Variants in PTPRT observed in about 807,000 individuals in gnomAD.
PTPRT encodes protein tyrosine phosphatase receptor type T.
PTPRT carries 56 observed loss-of-function variants against 176.8 expected under a neutral mutation model. The ratio of observed to expected loss-of-function variants is 0.32; its 90% CI spans 0.26 to 0.40. PTPRT has a LOEUF of 0.40. Among genes scored for constraint, PTPRT ranks in the 10% least tolerant of loss-of-function variants. PTPRT has a pLI of 1.00. For missense variants in PTPRT, 1,540 were observed against 1,908.2 expected, an observed-to-expected ratio of 0.81 and a Z score of 3.60; for synonymous variants, 783 against 739.0, an observed-to-expected ratio of 1.06 and a Z score of -0.96.
intron 7 of PTPRT, among the ~76,000 whole-genome samples, chr20:42,644,762 G>A (rs913669896): frequency 6.6e-6 from 1 of 152,124 alleles, no homozygotes; most frequent in Admixed American, 6.5e-5. Flanking sequence ...ACACATTAAG[G>A]TAAAGACCTG....
chr20:42,415,313 G>A (rs2059055133), intron 9 of PTPRT, among the ~76,000 whole-genome samples: 2 of 152,122 alleles, frequency 1.3e-5, no homozygotes, highest in Admixed American at 1.3e-4. Flanking sequence ...TTCCAAATCA[G>A]CTAAGACTAC....
intron 1 of PTPRT, among the ~76,000 whole-genome samples, chr20:43,097,935 AAGTGCAGCAC>A (rs2012234319): frequency 6.6e-6 from 1 of 152,166 alleles, no homozygotes; most frequent in South Asian, 2.1e-4. Context: ...TGCAAGATGC[AAGTGCAGCAC>A]AGTGCGCGGG....
chr20:42,959,411 C>T (rs1195680886), intron 1 of PTPRT, among the ~76,000 whole-genome samples: 1 of 152,136 alleles, frequency 6.6e-6, no homozygotes, highest in African/African-American at 2.4e-5. Flanking sequence ...AAAAGAAAAC[C>T]AGATGTGACT....
intron 7 of PTPRT, among the ~76,000 whole-genome samples, chr20:42,575,865 C>T (rs548837666): frequency 2.0e-5 from 3 of 152,222 alleles, no homozygotes; most frequent in African/African-American, 7.2e-5. Flanking sequence ...CCTAGATGAC[C>T]CCAGCAGCTC....
At chr20:42,386,150 A>T (rs1467698464) in intron 9 of PTPRT, among the ~76,000 whole-genome samples, 6 of 152,216 alleles carry the variant, frequency 3.9e-5, no homozygotes, top group Non-Finnish European at 7.3e-5. Context: ...CATCATCAGA[A>T]GTTTGGCACT....
At chr20:42,347,974 G>A (rs560559037) in intron 11 of PTPRT, among the ~76,000 whole-genome samples, 16 of 152,212 alleles carry the variant, frequency 1.1e-4, no homozygotes, top group Admixed American at 2.0e-4. Flanking sequence ...GGAGCCTCAA[G>A]AGGACAGAGG....
intron 9 of PTPRT, among the ~76,000 whole-genome samples, chr20:42,426,452 G>A (rs1204608983): frequency 6.6e-6 from 1 of 152,124 alleles, no homozygotes; most frequent in Non-Finnish European, 1.5e-5. Context: ...AACCTGCTGA[G>A]AGCCACCTCC....
intron 20 of PTPRT, among the ~76,000 whole-genome samples, chr20:42,119,632 G>A (rs922214198): frequency 1.3e-5 from 2 of 152,184 alleles, no homozygotes; most frequent in African/African-American, 4.8e-5. Context: ...TCTCCCTCCT[G>A]ACCAAGTGAA....
intron 16 of PTPRT, among the ~76,000 whole-genome samples, chr20:42,170,525 A>G (rs139780939): frequency 2.0e-5 from 3 of 152,366 alleles, no homozygotes; most frequent in Non-Finnish European, 4.4e-5. Context: ...ACAATTGTAA[A>G]GAAACCAAAA....
intron 9 of PTPRT, among the ~76,000 whole-genome samples, chr20:42,359,079 A>G (rs1222128032): frequency 6.6e-6 from 1 of 152,188 alleles, no homozygotes; most frequent in African/African-American, 2.4e-5. Context: ...AGCTTGTTAG[A>G]GCTGCAGATT....
chr20:42,985,382 C>T lies in PTPRT; in HGVS notation c.89-99450G>A, dbSNP rs527894829. ...TGGTGGCTCGTGCCTGTAATCCCAG[C>T]TACTCGGGAGGCTGAGACAGGAGAA... is the stretch of plus-strand genomic sequence containing the variant. On this transcript the variant is annotated intron_variant, in intron 1 of 30. Transcript: ENST00000373187. Among the ~76,000 whole-genome samples, 4 of 152,184 alleles carry T rather than the reference C, an allele frequency of 2.6e-5. No individual in the cohort carries two copies. The South Asian group carries it at 8.3e-4, about 32-fold the overall frequency.
chr20:42,160,636 T>C (rs1005977684), intron 17 of PTPRT, among the ~76,000 whole-genome samples: 4 of 152,176 alleles, frequency 2.6e-5, no homozygotes, highest in East Asian at 1.9e-4. Context: ...GCAATGTAGA[T>C]GGTTAAGGAA....
chr20:43,126,794 A>C (rs2013455521), intron 1 of PTPRT, among the ~76,000 whole-genome samples: 1 of 152,180 alleles, frequency 6.6e-6, no homozygotes, highest in Non-Finnish European at 1.5e-5. Context: ...TAATAGTAAT[A>C]GTGGTAGCAG....
chr20:42,444,815 A>C (rs2059348815), intron 9 of PTPRT, among the ~76,000 whole-genome samples: 1 of 152,208 alleles, frequency 6.6e-6, no homozygotes, highest in South Asian at 2.1e-4. Context: ...AATTGGTTTC[A>C]TCTAATTAAA....
At chr20:42,060,202 A>G in the PTPRT span, among the ~76,000 whole-genome samples, 1,950 of 152,312 alleles carry the variant, frequency 0.013, 48 homozygotes, top group African/African-American at 0.045. Flanking sequence ...ACCCAGAGCT[A>G]GAATTCAGGT....
chr20:43,030,488 GA>G, intron 1 of PTPRT, among the ~76,000 whole-genome samples: 1 of 147,388 alleles, frequency 6.8e-6, no homozygotes, highest in South Asian at 2.1e-4. Context: ...CCAAAAGGGG[GA>G]AAGGGCATTT....
chr20:42,062,093 T>C, the PTPRT span, among the ~76,000 whole-genome samples: 1 of 152,082 alleles, frequency 6.6e-6, no homozygotes, highest in East Asian at 1.9e-4. Context: ...GCAGGTAGGG[T>C]ACACTATCCA....
chr20:43,000,168 A>G (rs543369121), intron 1 of PTPRT, among the ~76,000 whole-genome samples: 1 of 152,092 alleles, frequency 6.6e-6, no homozygotes, highest in Non-Finnish European at 1.5e-5. Context: ...TCTTTTCCCA[A>G]TTCCCTAAAG....
chr20:42,304,802 A>G (rs1306961630), intron 12 of PTPRT, among the ~76,000 whole-genome samples: 1 of 152,250 alleles, frequency 6.6e-6, no homozygotes, highest in African/African-American at 2.4e-5. Context: ...TTCTGATGAC[A>G]TTGACCAGCA....
Sources: allele counts gnomAD v4.1 joint callset (sites outside exome capture counted in the v4.1 genomes callset), GRCh38; gene constraint gnomAD v4.1.1; transcripts MANE v1.5; gene names NCBI Gene and HGNC (gene_info 2026-07-23, HGNC 2026-07-21).